Variants in SYN3 observed in about 807,000 individuals in gnomAD.
The protein encoded by SYN3 is synapsin-3.
SYN3 carries 35 observed loss-of-function variants against 65.8 expected under a neutral mutation model. The ratio of observed to expected loss-of-function variants is 0.53; its 90% confidence interval spans 0.41 to 0.70. The LOEUF (loss-of-function observed/expected upper bound fraction) is 0.70. SYN3 is among the 30% of genes least tolerant of loss of function. The probability of loss-of-function intolerance (pLI) is 0.00; values close to 1 mark genes in which losing one functional copy is unlikely to be tolerated. For synonymous variants in SYN3, 270 were observed against 292.9 expected, an observed-to-expected ratio of 0.92 and a Z score of 0.80; for missense variants, 680 against 749.0, an observed-to-expected ratio of 0.91 and a Z score of 1.08.
intron 6 of SYN3, among the ~76,000 whole-genome samples, chr22:32,609,681 AGGGT>A (rs2059415524): frequency 6.6e-6 from 1 of 151,972 alleles, no homozygotes; most frequent in Non-Finnish European, 1.5e-5. Context: ...TGGAGGAGAC[AGGGT>A]CTCGCTTTGT....
At chr22:32,543,210 C>T (rs901880614) in intron 7 of SYN3, among the ~76,000 whole-genome samples, 8 of 152,190 alleles carry the variant, frequency 5.3e-5, no homozygotes, top group East Asian at 1.9e-4. Context: ...TACAGCTCTC[C>T]GTGGGGCCCA....
chr22:32,586,129 T>C (rs1445871543), intron 7 of SYN3, among the ~76,000 whole-genome samples: 4 of 150,808 alleles, frequency 2.7e-5, no homozygotes, highest in Admixed American at 6.6e-5. Flanking sequence ...TATGTATATG[T>C]ATGTATATAC....
intron 3 of SYN3, among the ~76,000 whole-genome samples, chr22:32,969,492 A>AT (rs1202245244): frequency 1.3e-5 from 2 of 152,156 alleles, no homozygotes; most frequent in Admixed American, 6.5e-5. Flanking sequence ...TGTTTTTGCT[A>AT]TTTTTTTGCT....
intron 1 of SYN3, among the ~76,000 whole-genome samples, chr22:33,037,338 A>G (rs2053880765): frequency 6.6e-6 from 1 of 152,152 alleles, no homozygotes; most frequent in African/African-American, 2.4e-5. Context: ...TTCTCCCCAT[A>G]CAACCTACCA....
chr22:32,522,020 G>C (rs561946655), intron 12 of SYN3, among the ~76,000 whole-genome samples: 16 of 152,118 alleles, frequency 1.1e-4, no homozygotes, highest in South Asian at 2.1e-4. Context: ...TATTTCTTTC[G>C]GCTTCTTGGC....
chr22:32,657,770 C>T (rs2060162873), intron 6 of SYN3, among the ~76,000 whole-genome samples: 1 of 152,204 alleles, frequency 6.6e-6, no homozygotes, highest in Non-Finnish European at 1.5e-5. Flanking sequence ...AGCCCCTCCT[C>T]AATGCATGCC....
intron 6 of SYN3, among the ~76,000 whole-genome samples, chr22:32,863,330 G>A (rs1211886571): frequency 1.3e-5 from 2 of 152,246 alleles, no homozygotes; most frequent in Non-Finnish European, 2.9e-5. Flanking sequence ...GGTGGTACAA[G>A]TACCCCCAGA....
intron 1 of SYN3, among the ~76,000 whole-genome samples, chr22:33,010,172 C>T (rs1255198307): frequency 1.3e-5 from 2 of 151,250 alleles, no homozygotes; most frequent in East Asian, 1.9e-4. Context: ...GCGGAGGTTG[C>T]GGTGAGCCAG....
At chr22:32,965,099 G>A (rs367594817) in intron 3 of SYN3, among the ~76,000 whole-genome samples, 2 of 152,194 alleles carry the variant, frequency 1.3e-5, no homozygotes, top group Non-Finnish European at 2.9e-5. Flanking sequence ...GCCTCGGGCA[G>A]GACACTTAAC....
chr22:32,758,164 G>A (rs981598312), intron 6 of SYN3, among the ~76,000 whole-genome samples: 1 of 152,084 alleles, frequency 6.6e-6, no homozygotes, highest in African/African-American at 2.4e-5. Flanking sequence ...TAGTATTTAG[G>A]TTGGGGATTG....
At chr22:32,758,355 G>C (rs1278183125) in intron 6 of SYN3, among the ~76,000 whole-genome samples, 1 of 151,930 alleles carries the variant, frequency 6.6e-6, no homozygotes, top group Non-Finnish European at 1.5e-5. Flanking sequence ...GCAAAATATT[G>C]ATCCTGCGTG....
intron 10 of SYN3, among the ~76,000 whole-genome samples, chr22:32,530,875 A>G (rs1198058077): frequency 1.3e-5 from 2 of 151,776 alleles, no homozygotes; most frequent in Non-Finnish European, 2.9e-5. Flanking sequence ...GCGTGGTGGC[A>G]GGTGCCTGTA....
At chr22:32,734,612 T>C (rs1195401963) in intron 6 of SYN3, among the ~76,000 whole-genome samples, 1 of 152,192 alleles carries the variant, frequency 6.6e-6, no homozygotes, top group African/African-American at 2.4e-5. Context: ...GAACCCCATC[T>C]GCAGGGACAG....
chr22:32,811,828 G>A (rs1251459080), intron 6 of SYN3, among the ~76,000 whole-genome samples: 1 of 152,236 alleles, frequency 6.6e-6, no homozygotes, highest in Non-Finnish European at 1.5e-5. Context: ...ACTTGTCAAG[G>A]ATCTGGTGCT....
intron 7 of SYN3, among the ~76,000 whole-genome samples, chr22:32,554,613 A>C (rs1483444307): frequency 6.6e-6 from 1 of 152,058 alleles, no homozygotes; most frequent in Non-Finnish European, 1.5e-5. Flanking sequence ...TCCGGCTCGT[A>C]CCCCTGCTTT....
At chr22:32,564,709 C>A in intron 7 of SYN3, among the ~76,000 whole-genome samples, 1 of 151,408 alleles carries the variant, frequency 6.6e-6, no homozygotes, top group African/African-American at 2.4e-5. Context: ...TGCACCCAAA[C>A]AGTGCTCCCG....
chr22:32,678,040 G>A (rs130752), intron 6 of SYN3, among the ~76,000 whole-genome samples: 43,972 of 152,010 alleles, frequency 0.29, 7,376 homozygotes, highest in Middle Eastern at 0.4. Flanking sequence ...GCCTCAGAGG[G>A]AGGCAGGAAG....
At chr22:32,737,228 T>C (rs2147369731) in intron 6 of SYN3, among the ~76,000 whole-genome samples, 1 of 152,300 alleles carries the variant, frequency 6.6e-6, no homozygotes, top group South Asian at 2.1e-4. Context: ...GGTTAGGTAC[T>C]TGTATTCTCC....
intron 3 of SYN3, among the ~76,000 whole-genome samples, chr22:32,950,561 G>A (rs12158497): frequency 6.6e-6 from 1 of 151,962 alleles, no homozygotes; most frequent in Admixed American, 6.5e-5. Context: ...TCTAATTCCC[G>A]GGAGCTTCTT....
Sources: gnomAD v4.1 joint callset for allele counts (sites outside exome capture counted in the v4.1 genomes callset) on GRCh38, gnomAD v4.1.1 for gene constraint, MANE v1.5 for transcripts, NCBI Gene and HGNC (gene_info 2026-07-23, HGNC 2026-07-21) for gene names.